The following SEZ6L variants were observed in gnomAD, a reference collection of about 807,000 sequenced individuals.
The protein encoded by SEZ6L is seizure related 6 homolog like.
SEZ6L carries 37 observed loss-of-function variants against 106.2 expected under a neutral mutation model. That is an observed-to-expected ratio of 0.35 (90% CI 0.27 to 0.46). The LOEUF is 0.46. Among genes scored for constraint, SEZ6L ranks in the 20% least tolerant of loss-of-function variants. The pLI is 1.00. For synonymous variants in SEZ6L, 541 were observed against 570.4 expected, an observed-to-expected ratio of 0.95 and a Z score of 0.73; for missense variants, 1,172 against 1,332.8, an observed-to-expected ratio of 0.88 and a Z score of 1.88.
chr22:26,369,354 T>TTTTTTTTTTTTTTTTTTTTTTTTTTTTA (rs1568952186), intron 13 of SEZ6L, among the ~76,000 whole-genome samples: 1 of 118,650 alleles, frequency 8.4e-6, no homozygotes, highest in African/African-American at 3.3e-5. Context: ...TTGTTTTTTT[T>TTTTTTTTTTTTTTTTTTTTTTTTTTTTA]TTTGAGACAG....
intron 1 of SEZ6L, among the ~76,000 whole-genome samples, chr22:26,172,268 A>C (rs1230748551): frequency 6.6e-6 from 1 of 152,106 alleles, no homozygotes; most frequent in African/African-American, 2.4e-5. Context: ...AGATTCACTT[A>C]AAGACTATTT....
Position 26,382,869 on chromosome 22 carries a change from A to C in SEZ6L, c.*2574A>C, listed in dbSNP as rs1394629485. The C allele has an allele frequency of 6.6e-6, 1 of 152,160 alleles. No homozygotes were observed. Among genetic ancestry groups the C allele is most frequent in the Non-Finnish European group, 1.5e-5 (1 of 68,026 alleles). The allele number at this position is 152,160 out of a possible 1,614,324, so 9.4% of individuals were successfully genotyped here. ...AGGATACACTCTTGAGAAACTCGAGAATGGACTGAGCCTTCCTACAAGCCA... is the reference window on the plus strand; with the variant it reads ...AGGATACACTCTTGAGAAACTCGAGCATGGACTGAGCCTTCCTACAAGCCA... On this transcript the variant is annotated 3_prime_UTR_variant, in exon 17 of 17. Coordinates refer to ENST00000248933, the MANE Select transcript of SEZ6L (RefSeq NM_021115.5).
intron 13 of SEZ6L, among the ~76,000 whole-genome samples, chr22:26,370,475 T>A (rs1056386843): frequency 2.6e-5 from 4 of 152,294 alleles, no homozygotes; most frequent in African/African-American, 9.6e-5. Flanking sequence ...CCACGGTAGC[T>A]TTTTAAATTC....
intron 1 of SEZ6L, among the ~76,000 whole-genome samples, chr22:26,207,600 T>C (rs1831957591): frequency 6.6e-6 from 1 of 152,230 alleles, no homozygotes; most frequent in Non-Finnish European, 1.5e-5. Flanking sequence ...TTTCTTCCTC[T>C]ATTCCTCCTT....
At chr22:26,184,406 C>T (rs958786613) in intron 1 of SEZ6L, among the ~76,000 whole-genome samples, 11 of 152,144 alleles carry the variant, frequency 7.2e-5, no homozygotes, top group African/African-American at 2.2e-4. Context: ...GGCTGGTACC[C>T]TTGCTATAGT....
chr22:26,180,054 C>T (rs916401139), intron 1 of SEZ6L, among the ~76,000 whole-genome samples: 10 of 152,164 alleles, frequency 6.6e-5, no homozygotes, highest in African/African-American at 2.2e-4. Flanking sequence ...ATGATTTCTG[C>T]CCAGTCCTTT....
At chr22:26,270,833 C>A (rs149472878) in intron 1 of SEZ6L, among the ~76,000 whole-genome samples, 1 of 152,162 alleles carries the variant, frequency 6.6e-6, no homozygotes, top group African/African-American at 2.4e-5. Context: ...GGACAACCTG[C>A]TCCCCAGCCT....
chr22:26,274,460 C>T (rs1027554005), intron 1 of SEZ6L, among the ~76,000 whole-genome samples: 15 of 152,260 alleles, frequency 9.9e-5, no homozygotes, highest in East Asian at 3.9e-4. Context: ...AAAGATGATT[C>T]GAGTAAGGGA....
At chr22:26,195,806 TTG>T (rs542643953) in intron 1 of SEZ6L, among the ~76,000 whole-genome samples, 5 of 150,696 alleles carry the variant, frequency 3.3e-5, no homozygotes, top group East Asian at 1.9e-4. Flanking sequence ...TATATATAGT[TTG>T]TGTGTGTGTG....
intron 13 of SEZ6L, among the ~76,000 whole-genome samples, chr22:26,367,275 A>G (rs1419082454): frequency 1.3e-5 from 2 of 152,062 alleles, no homozygotes; most frequent in Non-Finnish European, 2.9e-5. Context: ...CGCCCTAGAC[A>G]GCTCTCGCCT....
intron 10 of SEZ6L, among the ~76,000 whole-genome samples, chr22:26,341,036 T>C (rs988162469): frequency 6.6e-6 from 1 of 152,206 alleles, no homozygotes; most frequent in Non-Finnish European, 1.5e-5. Flanking sequence ...ATCAACATAC[T>C]TCCTAATTTC....
intron 1 of SEZ6L, among the ~76,000 whole-genome samples, chr22:26,207,218 G>C (rs1014424218): frequency 2.6e-5 from 4 of 152,096 alleles, no homozygotes; most frequent in Admixed American, 2.6e-4. Flanking sequence ...GAAGGAGAAG[G>C]CACCACAGTA....
rs138778918 is a variant in SEZ6L at position 26,229,819 on chromosome 22, C to T, written c.94+60056C>T. 3.4e-3 allele frequency among the ~76,000 whole-genome samples: 513 copies of T among 152,288 alleles called. 3 individuals carry two copies. Among genetic ancestry groups the T allele is most frequent in the African/African-American group, 0.012 (494 of 41,554 alleles). ...CACTGAGCTAAGAAGCATTTCAGGA[C>T]GTCAGGCTAGGGCTGTTCAAAGCCA... On this transcript the variant is annotated intron_variant, in intron 1 of 16. Coordinates refer to ENST00000248933, the MANE Select transcript of SEZ6L (RefSeq NM_021115.5).
chr22:26,281,809 C>T (rs959967686), intron 1 of SEZ6L, among the ~76,000 whole-genome samples: 4 of 152,320 alleles, frequency 2.6e-5, no homozygotes, highest in Middle Eastern at 3.4e-3. Flanking sequence ...CTGCCCACCC[C>T]TCTGGTAAAC....
At chr22:26,218,367 A>G (rs1479814778) in intron 1 of SEZ6L, among the ~76,000 whole-genome samples, 1 of 152,136 alleles carries the variant, frequency 6.6e-6, no homozygotes, top group Admixed American at 6.5e-5. Context: ...TTTAAGCCCC[A>G]CATGCATTAG....
intron 14 of SEZ6L, among the ~76,000 whole-genome samples, chr22:26,375,154 C>T (rs1417883758): frequency 6.6e-6 from 1 of 152,128 alleles, no homozygotes; most frequent in Non-Finnish European, 1.5e-5. Flanking sequence ...GATTCGCCCA[C>T]CACTCCTGCA....
intron 13 of SEZ6L, among the ~76,000 whole-genome samples, chr22:26,368,729 G>C (rs1327554166): frequency 7.3e-6 from 1 of 136,282 alleles, no homozygotes; most frequent in East Asian, 2.5e-4. Context: ...TTTATGTTAT[G>C]TGAATTTTAT....
chr22:26,292,561 G>A lies in SEZ6L; in HGVS notation c.250G>A (p.Val84Met), dbSNP rs909867750. Residue 84 changes from valine (V) to methionine (M), a missense_variant, in exon 2 of 17, where the codon GTG becomes ATG. By Grantham distance (21) the Val-to-Met change is conservative (BLOSUM62 1). Around this residue, in one of 4 missense-constraint regions of SEZ6L, gnomAD observed 494 missense variants for 445.8 expected, o/e 1.11. Coordinates refer to ENST00000248933, the MANE Select transcript of SEZ6L (RefSeq NM_021115.5). ...SQSAEVLGEL[V>M]LDGTAPSAHH... ...GTCGGCGGAAGTGCTGGGCGAGCTGGTGCTGGATGGGACCGCACCCTCTGC... is the reference window on the plus strand; with the variant it reads ...GTCGGCGGAAGTGCTGGGCGAGCTGATGCTGGATGGGACCGCACCCTCTGC... 1.9e-6 allele frequency: 3 copies of A among 1,613,738 alleles called. No homozygotes were observed. The highest frequency in any genetic ancestry group is 1.1e-5 in the South Asian group (1 of 90,994).
intron 1 of SEZ6L, among the ~76,000 whole-genome samples, chr22:26,229,258 G>A (rs987875768): frequency 5.3e-5 from 8 of 152,050 alleles, no homozygotes; most frequent in African/African-American, 1.7e-4. Context: ...TGGTCTCCCC[G>A]GGTGCTGGGA....
Sources: allele counts gnomAD v4.1 joint callset (sites outside exome capture counted in the v4.1 genomes callset), GRCh38; gene constraint gnomAD v4.1.1; regional missense constraint gnomAD v4.1.1; transcripts MANE v1.5; gene names NCBI Gene and HGNC (gene_info 2026-07-23, HGNC 2026-07-21).